Variants in MYO7A observed in about 807,000 individuals in gnomAD.
MYO7A encodes unconventional myosin-VIIa.
A neutral mutation model predicts 263.8 loss-of-function variants in MYO7A; 210 were observed. The observed-to-expected ratio is 0.80, with a 90% CI of 0.71 to 0.89. The LOEUF (loss-of-function observed/expected upper bound fraction) is 0.89, where lower values mean the gene tolerates loss of function less well. Among genes scored for constraint, MYO7A ranks in the 40% least tolerant of loss-of-function variants. MYO7A has a pLI of 0.00. For missense variants in MYO7A, 2,820 were observed against 2,968.3 expected (o/e 0.95, Z 1.16); for synonymous variants, 1,239 against 1,197.3 (o/e 1.03, Z -0.72).
Position 77,162,157 on chromosome 11 carries a change from C to G in MYO7A, c.1381C>G (p.Leu461Val). 1 of 1,604,252 alleles carries G rather than the reference C, an allele frequency of 6.2e-7. No homozygotes were observed. Among genetic ancestry groups the G allele is most frequent in the Non-Finnish European group, 8.5e-7 (1 of 1,175,528 alleles). ...CTGCATCAACTTCGCCAATGAGCACCTGCAGCAGTTCTTTGTGCGGCACGT... is the reference window on the plus strand; with the variant it reads ...CTGCATCAACTTCGCCAATGAGCACGTGCAGCAGTTCTTTGTGCGGCACGT... Reference protein sequence around the residue: ...QLCINFANEHLQQFFVRHVFK... With the variant: ...QLCINFANEHVQQFFVRHVFK... Residue 461 changes from leucine to valine, a missense_variant, in exon 13 of 49, where the codon CTG (leucine) becomes GTG (valine). Leu to Val is a conservative substitution (Grantham distance 32). Transcript: ENST00000409709.
At chr11:77,172,977 T>C (rs1954267181) in intron 16 of MYO7A, 92 bp downstream of exon 16, 1 of 1,452,680 alleles carries the variant, frequency 6.9e-7, no homozygotes, top group South Asian at 1.4e-5. Context: ...GTGAAGGATG[T>C]GAGACTTTGT....
In MYO7A at chr11:77,179,013, A is replaced by G. The variant is rs1555082000; in HGVS notation, c.2283-32A>G. 4.5e-6 allele frequency: 7 copies of G among 1,557,792 alleles called. No individual in the cohort carries two copies. In the Admixed American group the frequency reaches 7.5e-5, roughly 17 times the overall value. On this transcript the variant is annotated intron_variant, in intron 19 of 48. Coordinates refer to ENST00000409709, the MANE Select transcript of MYO7A (RefSeq NM_000260.4). ...ACCTGTACCCTGGCTGCCTCTGGAC[A>G]CTGCTCACCCGCGCCACTACTGCTG...
At chr11:77,153,250 G>A (rs73495709) in intron 4 of MYO7A, among the ~76,000 whole-genome samples, 10,533 of 152,068 alleles carry the variant, frequency 0.069, 1,236 homozygotes, top group African/African-American at 0.24. Context: ...TGGGAGTGGT[G>A]TGAGGGAGGG....
chr11:77,163,093 T>A, intron 14 of MYO7A, 105 bp downstream of exon 14: 1 of 1,329,676 alleles, frequency 7.5e-7, no homozygotes, highest in East Asian at 2.4e-5. Context: ...TTTTAAAAAT[T>A]GTGATTATTC....
rs977738477 is a variant in MYO7A, at chr11:77,149,032, G to A, written c.285+1082G>A. Among the ~76,000 whole-genome samples, 5 of 152,330 alleles carry A rather than the reference G, an allele frequency of 3.3e-5. No individual in the cohort carries two copies. The East Asian group carries it at 7.7e-4, about 24-fold the overall frequency. On this transcript the variant is annotated intron_variant, in intron 4 of 48. Coordinates refer to ENST00000409709, the MANE Select transcript of MYO7A (RefSeq NM_000260.4). Reference sequence around the variant, plus strand: ...TGCAAGGGTCTTGGACCCCCTAGGGGTCTTTGGTCCACACCCTGACAACTG... The same window carrying A: ...TGCAAGGGTCTTGGACCCCCTAGGGATCTTTGGTCCACACCCTGACAACTG...
chr11:77,190,953 C>T (rs539759178), intron 30 of MYO7A, 83 bp downstream of exon 30: 31 of 1,403,530 alleles, frequency 2.2e-5, no homozygotes, highest in East Asian at 1.0e-4. Flanking sequence ...ACCTACTTGC[C>T]GGGGCTATTC....
At chr11:77,160,837 A>G in intron 11 of MYO7A, 136 bp from the exon 12 acceptor site, 5 of 961,700 alleles carry the variant, frequency 5.2e-6, no homozygotes, top group Non-Finnish European at 7.8e-6. Flanking sequence ...GGAACAGCTC[A>G]AGTAAAGGGT....
chr11:77,136,296 A>G (rs1412497667), intron 2 of MYO7A, among the ~76,000 whole-genome samples: 1 of 152,180 alleles, frequency 6.6e-6, no homozygotes, highest in Non-Finnish European at 1.5e-5. Context: ...AGAATGAGTC[A>G]CCTCTCTGTT....
At chr11:77,208,593 C>G (rs1253445519) in intron 43 of MYO7A, 76 bp downstream of exon 43, 33 of 1,525,532 alleles carry the variant, frequency 2.2e-5, no homozygotes, top group Admixed American at 3.8e-5. Flanking sequence ...CCGTGAGGCC[C>G]ACCTAGGCGG....
rs1954455454 is a variant in MYO7A at position 77,174,669 on chromosome 11, GC to G, written c.1936-85del. 6 of 1,426,582 alleles carry G rather than the reference GC, an allele frequency of 4.2e-6. No homozygotes were observed. In the African/African-American group the frequency reaches 8.4e-5, roughly 20 times the overall value. The allele number at this position is 1,426,582 out of a possible 1,614,324, so 88.4% of individuals were successfully genotyped here. On this transcript the variant is annotated intron_variant, in intron 16 of 48. Coordinates refer to ENST00000409709, the MANE Select transcript of MYO7A (RefSeq NM_000260.4). ...TGCCGTGTGGACTTGGCCTTTCTGA[GC>G]CTTTGTCTGGGTTGGTCAAGTGCAC...
intron 2 of MYO7A, among the ~76,000 whole-genome samples, chr11:77,132,621 TG>T (rs1345977495): frequency 6.6e-6 from 1 of 152,154 alleles, no homozygotes; most frequent in Non-Finnish European, 1.5e-5. Flanking sequence ...CCTGAGTAGC[TG>T]GGATTACAGG....
At position 77,190,159 on chromosome 11, in the gene MYO7A, C is replaced by T. The variant is rs577104822; in HGVS notation, c.3750+20C>T. ...CTGCAGGTTCGTGCGTGTGTATGCA[C>T]GTGCTCGTGTGCATGTGTGCGCACG... On this transcript the variant is annotated intron_variant, in intron 29 of 48. Transcript: ENST00000409709. 92 of 1,542,322 alleles carry T rather than the reference C, an allele frequency of 6.0e-5. 1 individual carries two copies. In the Middle Eastern group the frequency reaches 8.6e-4, roughly 14 times the overall value.
At chr11:77,190,665 G>T in intron 29 of MYO7A, 32 bp from the exon 30 acceptor site, 2 of 1,562,870 alleles carry the variant, frequency 1.3e-6, no homozygotes, top group East Asian at 2.4e-5. Context: ...TGAAGGGAAG[G>T]GACCCCACAA....
intron 1 of MYO7A, among the ~76,000 whole-genome samples, chr11:77,129,788 C>A (rs1555045508): frequency 1.3e-5 from 2 of 152,196 alleles, no homozygotes; most frequent in Non-Finnish European, 2.9e-5. Flanking sequence ...TGGAAATTCA[C>A]TAGTCAAAAT....
intron 26 of MYO7A, 109 bp downstream of exon 26, chr11:77,183,266 A>T: frequency 6.4e-6 from 6 of 932,744 alleles, no homozygotes; most frequent in Non-Finnish European, 1.0e-5. Context: ...AGGAGTGGAC[A>T]CTGTCTGTCC....
At chr11:77,159,954 G>C (rs377343459) in intron 10 of MYO7A, among the ~76,000 whole-genome samples, 1 of 152,248 alleles carries the variant, frequency 6.6e-6, no homozygotes, top group Non-Finnish European at 1.5e-5. Context: ...GGAGTTAAGC[G>C]GGGCTGTCAA....
chr11:77,130,795 G>T, intron 2 of MYO7A, 143 bp downstream of exon 2: 1 of 909,050 alleles, frequency 1.1e-6, no homozygotes, highest in Admixed American at 2.1e-5. Context: ...TCCAGGCTGA[G>T]GCCTAGTCTG....
chr11:77,174,718 A>G, intron 16 of MYO7A, 38 bp from the exon 17 acceptor site: 1 of 1,543,006 alleles, frequency 6.5e-7, no homozygotes, highest in Non-Finnish European at 8.7e-7. Flanking sequence ...TCCCAGCAGG[A>G]GCCTTGGCCC....
chr11:77,198,768 C>A, intron 34 of MYO7A, 147 bp downstream of exon 34: 1 of 1,230,632 alleles, frequency 8.1e-7, no homozygotes, highest in Non-Finnish European at 1.1e-6. Context: ...GTGCAGACCC[C>A]TCTGGCACCT....
Sources: allele counts gnomAD v4.1 joint callset (sites outside exome capture counted in the v4.1 genomes callset), GRCh38; gene constraint gnomAD v4.1.1; transcripts MANE v1.5; gene names NCBI Gene and HGNC (gene_info 2026-07-23, HGNC 2026-07-21).